Variants in NOX3 observed in about 807,000 individuals in gnomAD.
The protein encoded by NOX3 is NADPH oxidase 3.
NOX3 carries 74 observed loss-of-function variants against 76.7 expected under a neutral mutation model. That is an observed-to-expected ratio of 0.96 (90% CI 0.80 to 1.17). The LOEUF (loss-of-function observed/expected upper bound fraction) is 1.17, where lower values mean the gene tolerates loss of function less well. Ranked by LOEUF, NOX3 falls within the 50% of genes most tolerant of loss-of-function variation. The pLI, the probability that NOX3 is intolerant of heterozygous loss-of-function variation, is 0.00. For synonymous variants in NOX3, 263 were observed against 261.1 expected (o/e 1.01, Z -0.07); for missense variants, 695 against 703.3 (o/e 0.99, Z 0.13).
intron 4 of NOX3, among the ~76,000 whole-genome samples, chr6:155,447,719 G>A (rs1777081963): frequency 6.6e-6 from 1 of 152,114 alleles, no homozygotes. Context: ...ATTTATCTCA[G>A]GCATTCTCAG....
intron 9 of NOX3, among the ~76,000 whole-genome samples, chr6:155,427,888 T>TTCC (rs534600110): frequency 2.6e-5 from 4 of 152,020 alleles, no homozygotes; most frequent in Admixed American, 1.3e-4. Context: ...TTCTTTTTCT[T>TTCC]TCCTCCTCCT....
At chr6:155,439,167 A>G (rs958570073) in intron 6 of NOX3, among the ~76,000 whole-genome samples, 4 of 152,190 alleles carry the variant, frequency 2.6e-5, no homozygotes, top group African/African-American at 9.7e-5. Flanking sequence ...CAAGTTGATC[A>G]TGTATATGAA....
intron 10 of NOX3, among the ~76,000 whole-genome samples, chr6:155,412,698 C>A (rs1343114145): frequency 6.6e-6 from 1 of 152,180 alleles, no homozygotes; most frequent in Non-Finnish European, 1.5e-5. Context: ...CAGAGCTAAG[C>A]CGGGGTTCCC....
At chr6:155,431,158 T>C (rs185379486) in intron 7 of NOX3, among the ~76,000 whole-genome samples, 36 of 152,194 alleles carry the variant, frequency 2.4e-4, no homozygotes, top group African/African-American at 6.8e-4. Flanking sequence ...CTCTTCTATA[T>C]TGGTTTTTAT....
At chr6:155,401,135 G>A (rs1231968063) in intron 12 of NOX3, among the ~76,000 whole-genome samples, 1 of 152,120 alleles carries the variant, frequency 6.6e-6, no homozygotes, top group African/African-American at 2.4e-5. Flanking sequence ...TAATGCCATT[G>A]AAGAAATTTT....
chr6:155,428,963 G>C lies in NOX3; in HGVS notation c.976C>G (p.Gln326Glu). 2 of 1,614,054 alleles carry C rather than the reference G, an allele frequency of 1.2e-6. No homozygotes were observed. Among genetic ancestry groups the C allele is most frequent in the South Asian group, 2.2e-5 (2 of 91,058 alleles). Reference protein sequence around the residue: ...KMAPGQYILVQCPAISSLEWH... With the variant: ...KMAPGQYILVECPAISSLEWH... ...TCCAGCGAAGATATGGCTGGGCACT[G>C]CACCAAGATGTACTGCCCTGGCGCC... The change falls in exon 9 of 14, where the codon CAG becomes GAG. Residue 326 changes from glutamine to glutamate, a missense_variant. Physicochemically the swap from Gln to Glu is conservative, Grantham distance 29 (BLOSUM62 2). Transcript: ENST00000159060.
At chr6:155,453,548 G>GA in intron 3 of NOX3, 60 bp from the exon 4 acceptor site, 1 of 1,302,556 alleles carries the variant, frequency 7.7e-7, no homozygotes, top group Non-Finnish European at 1.1e-6. Context: ...ACAATCTCAT[G>GA]AAAGTTAAGA....
chr6:155,449,970 C>G (rs964286560), intron 4 of NOX3, among the ~76,000 whole-genome samples: 1 of 152,192 alleles, frequency 6.6e-6, no homozygotes, highest in African/African-American at 2.4e-5. Flanking sequence ...AGCGCAGTTG[C>G]CAGACGCATT....
chr6:155,455,132 A>G lies in NOX3; in HGVS notation c.49-3T>C, dbSNP rs747966437. 1.5e-5 allele frequency: 24 copies of G among 1,592,774 alleles called. No homozygotes were observed. The East Asian group carries it at 5.4e-4, about 36-fold the overall frequency. On this transcript the variant is annotated splice_polypyrimidine_tract_variant and splice_region_variant and intron_variant, in intron 1 of 13. Transcript: ENST00000159060. ...AAATTTATTCCCAGCCATGAGAGCT[A>G]GAGTAGAAAGGAAAGAGAACCAATG...
chr6:155,447,107 G>A (rs994313015), intron 4 of NOX3, among the ~76,000 whole-genome samples: 4 of 150,444 alleles, frequency 2.7e-5, no homozygotes, highest in South Asian at 2.1e-4. Context: ...GTGCAATGGC[G>A]CGATCTCAGC....
intron 9 of NOX3, among the ~76,000 whole-genome samples, chr6:155,425,425 C>T: frequency 6.6e-6 from 1 of 152,096 alleles, no homozygotes; most frequent in South Asian, 2.1e-4. Flanking sequence ...TGCCTGCATC[C>T]CTGTCCTGTG....
chr6:155,395,801 A>T (rs1016602759), intron 13 of NOX3, among the ~76,000 whole-genome samples: 9 of 152,042 alleles, frequency 5.9e-5, no homozygotes, highest in African/African-American at 1.9e-4. Flanking sequence ...AATGGGAATT[A>T]AAAAAAATCT....
chr6:155,414,623 C>CTTTTTTTTTTTTTTTTT (rs72348061), intron 10 of NOX3, among the ~76,000 whole-genome samples: 5 of 113,790 alleles, frequency 4.4e-5, no homozygotes, highest in African/African-American at 1.0e-4. Flanking sequence ...TCTTTTCTTT[C>CTTTTTTTTTTTTTTTTT]TTTTTTTTTT....
chr6:155,414,256 G>A (rs913366396), intron 10 of NOX3, among the ~76,000 whole-genome samples: 2 of 152,142 alleles, frequency 1.3e-5, no homozygotes, highest in South Asian at 4.1e-4. Context: ...AATGGTGGGG[G>A]ACACTCACTG....
chr6:155,408,559 G>T (rs1176890486), intron 11 of NOX3, among the ~76,000 whole-genome samples: 1 of 152,104 alleles, frequency 6.6e-6, no homozygotes, highest in Non-Finnish European at 1.5e-5. Flanking sequence ...AATCTAGGGA[G>T]GTTCAGCTGA....
chr6:155,411,895 C>T (rs1776556713), intron 10 of NOX3, among the ~76,000 whole-genome samples: 3 of 152,140 alleles, frequency 2.0e-5, no homozygotes, highest in South Asian at 2.1e-4. Flanking sequence ...TGAAACATAT[C>T]GGTGTCCAAG....
chr6:155,423,954 G>T (rs1776725145), intron 9 of NOX3, among the ~76,000 whole-genome samples: 1 of 152,048 alleles, frequency 6.6e-6, no homozygotes, highest in South Asian at 2.1e-4. Context: ...TTTTGGCCAG[G>T]ATGGTCTTGA....
At chr6:155,398,286 CT>C (rs1283127323) in intron 12 of NOX3, among the ~76,000 whole-genome samples, 1 of 145,478 alleles carries the variant, frequency 6.9e-6, no homozygotes, top group Non-Finnish European at 1.5e-5. Context: ...GCAGATCGCC[CT>C]GTGAGCCTCA....
At chr6:155,399,008 C>T (rs1199841509) in intron 12 of NOX3, among the ~76,000 whole-genome samples, 2 of 152,246 alleles carry the variant, frequency 1.3e-5, no homozygotes, top group Admixed American at 6.5e-5. Flanking sequence ...AGAGGTGGTG[C>T]GGGGTGTTAA....
Sources: gnomAD v4.1 joint callset for allele counts (sites outside exome capture counted in the v4.1 genomes callset) on GRCh38, gnomAD v4.1.1 for gene constraint, MANE v1.5 for transcripts, NCBI Gene and HGNC (gene_info 2026-07-23, HGNC 2026-07-21) for gene names.